POC1B: variants seen among roughly 807,000 people sequenced by gnomAD.
POC1B encodes POC1 centriolar protein homolog B.
POC1B carries 44 observed loss-of-function variants against 60.6 expected under a neutral mutation model. The ratio of observed to expected loss-of-function variants is 0.73; its 90% CI spans 0.57 to 0.93. The LOEUF is 0.93. Among genes scored for constraint, POC1B ranks in the 40% least tolerant of loss-of-function variants. The pLI, the probability that POC1B is intolerant of heterozygous loss-of-function variation, is 0.00. For synonymous variants in POC1B, 180 were observed against 198.9 expected, an observed-to-expected ratio of 0.90 and a Z score of 0.80; for missense variants, 555 against 572.3, an observed-to-expected ratio of 0.97 and a Z score of 0.31.
intron 4 of POC1B, among the ~76,000 whole-genome samples, chr12:89,476,723 T>C (rs1357844189): frequency 1.6e-5 from 2 of 122,980 alleles, no homozygotes; most frequent in African/African-American, 6.1e-5. Context: ...GATAGATAGA[T>C]AGATAGATAG....
At chr12:89,513,776 G>C (rs1478231568) in intron 2 of POC1B, among the ~76,000 whole-genome samples, 1 of 152,140 alleles carries the variant, frequency 6.6e-6, no homozygotes, top group Non-Finnish European at 1.5e-5. Flanking sequence ...TTGAGCTCCA[G>C]CTCCAGTGAG....
chr12:89,464,009 A>G (rs1882578264), intron 9 of POC1B, among the ~76,000 whole-genome samples: 1 of 152,212 alleles, frequency 6.6e-6, no homozygotes, highest in South Asian at 2.1e-4. Flanking sequence ...TACAAATCAT[A>G]AAAATGTTAT....
chr12:89,478,184 A>G (rs1399426516), intron 4 of POC1B, among the ~76,000 whole-genome samples: 3 of 152,116 alleles, frequency 2.0e-5, no homozygotes, highest in African/African-American at 7.2e-5. Context: ...ATCTTAGCTC[A>G]CTGCGACCTC....
chr12:89,523,235 C>T (rs778964233), intron 2 of POC1B: 1 of 1,614,058 alleles, frequency 6.2e-7, no homozygotes, highest in Middle Eastern at 1.6e-4. Flanking sequence ...GGTCTATCCT[C>T]TGGAACATGT....
chr12:89,438,185 C>T (rs940523240), intron 10 of POC1B, among the ~76,000 whole-genome samples: 2 of 152,096 alleles, frequency 1.3e-5, no homozygotes, highest in South Asian at 2.1e-4. Context: ...AGGCCGGGCG[C>T]GGTGGCTCAC....
At chr12:89,411,238 A>G in the POC1B span, among the ~76,000 whole-genome samples, 1 of 152,226 alleles carries the variant, frequency 6.6e-6, no homozygotes, top group Admixed American at 6.5e-5. Flanking sequence ...TCAAGCTACC[A>G]TTGGCTTTCT....
the POC1B span, among the ~76,000 whole-genome samples, chr12:89,404,128 A>T: frequency 6.6e-6 from 1 of 150,434 alleles, no homozygotes; most frequent in Non-Finnish European, 1.5e-5. Context: ...ATGAAACTCC[A>T]TCTTAAAAAA....
chr12:89,448,220 G>T (rs779457925), intron 10 of POC1B, among the ~76,000 whole-genome samples: 1 of 152,072 alleles, frequency 6.6e-6, no homozygotes, highest in Non-Finnish European at 1.5e-5. Context: ...CTGGAGGATG[G>T]CTTGAACTCA....
intron 8 of POC1B, among the ~76,000 whole-genome samples, chr12:89,467,400 G>A (rs1882723839): frequency 6.6e-6 from 1 of 152,188 alleles, no homozygotes; most frequent in South Asian, 2.1e-4. Flanking sequence ...ATAGTTAAGT[G>A]TAAAATGAGC....
At chr12:89,483,377 C>T (rs1868454971) in intron 4 of POC1B, among the ~76,000 whole-genome samples, 2 of 152,162 alleles carry the variant, frequency 1.3e-5, no homozygotes. Context: ...GTCAATTAAA[C>T]CTCTCCTTTA....
chr12:89,487,363 A>G (rs936147933), intron 4 of POC1B, among the ~76,000 whole-genome samples: 6 of 152,162 alleles, frequency 3.9e-5, no homozygotes, highest in African/African-American at 1.4e-4. Flanking sequence ...GAGTTCCACC[A>G]TCGTTTTCTT....
intron 7 of POC1B, among the ~76,000 whole-genome samples, chr12:89,467,969 T>C (rs1007870300): frequency 6.6e-6 from 1 of 152,218 alleles, no homozygotes; most frequent in Non-Finnish European, 1.5e-5. Flanking sequence ...CATATGTAAG[T>C]TCATAAGAAT....
intron 2 of POC1B, among the ~76,000 whole-genome samples, chr12:89,505,793 G>C (rs1295557506): frequency 6.6e-6 from 1 of 152,220 alleles, no homozygotes; most frequent in Non-Finnish European, 1.5e-5. Context: ...GAAGCTACAA[G>C]GGGCAAGGGA....
intron 2 of POC1B, among the ~76,000 whole-genome samples, chr12:89,507,555 A>C (rs1277681318): frequency 6.6e-6 from 1 of 152,196 alleles, no homozygotes; most frequent in Non-Finnish European, 1.5e-5. Context: ...GTCAAAAGGG[A>C]GGAAATTAAG....
At chr12:89,511,433 T>A (rs1025899818) in intron 2 of POC1B, among the ~76,000 whole-genome samples, 3 of 149,790 alleles carry the variant, frequency 2.0e-5, no homozygotes, top group African/African-American at 5.0e-5. Context: ...AAAAAAAAAA[T>A]TCCTGATAAT....
chr12:89,522,626 T>C, intron 2 of POC1B: 1 of 563,666 alleles, frequency 1.8e-6, no homozygotes, highest in Non-Finnish European at 2.8e-6. Flanking sequence ...TGTGAAATAT[T>C]AAACAGCAGC....
chr12:89,454,521 G>A (rs923685156), intron 10 of POC1B, among the ~76,000 whole-genome samples: 7 of 152,128 alleles, frequency 4.6e-5, no homozygotes, highest in African/African-American at 1.4e-4. Flanking sequence ...AAACCCCCCA[G>A]TGGCTCCTAT....
At chr12:89,421,960 A>G (rs1235948489) in intron 11 of POC1B, among the ~76,000 whole-genome samples, 1 of 152,218 alleles carries the variant, frequency 6.6e-6, no homozygotes. Context: ...ATTAAATGTT[A>G]ACATATGTTT....
the POC1B span, among the ~76,000 whole-genome samples, chr12:89,414,206 CATGT>C: frequency 6.6e-6 from 1 of 152,016 alleles, no homozygotes; most frequent in African/African-American, 2.4e-5. Context: ...TTTTTCTATT[CATGT>C]ATTTTTTGTT....
Sources: gnomAD v4.1 joint callset for allele counts (sites outside exome capture counted in the v4.1 genomes callset) on GRCh38, gnomAD v4.1.1 for gene constraint, MANE v1.5 for transcripts, NCBI Gene and HGNC (gene_info 2026-07-23, HGNC 2026-07-21) for gene names.